CSMD2: variants seen among roughly 807,000 people sequenced by gnomAD.
The protein encoded by CSMD2 is CUB and Sushi multiple domains 2, also known as CUB and sushi domain-containing protein 2.
CSMD2 carries 130 observed loss-of-function variants against 398.5 expected under a neutral mutation model. That is an observed-to-expected ratio of 0.33 (90% CI 0.28 to 0.38). CSMD2 has a LOEUF of 0.38. CSMD2 is among the 10% of genes least tolerant of loss of function. The pLI, the probability that CSMD2 is intolerant of heterozygous loss-of-function variation, is 1.00. For missense variants in CSMD2, 3,829 were observed against 4,764.9 expected (o/e 0.80, Z 5.78); for synonymous variants, 1,828 against 1,908.5 (o/e 0.96, Z 1.10).
chr1:34,094,851 G>A (rs1171449588), intron 1 of CSMD2, among the ~76,000 whole-genome samples: 13 of 150,228 alleles, frequency 8.7e-5, no homozygotes, highest in East Asian at 3.9e-4. Context: ...ACAGATCAAC[G>A]AGACAGAAAG....
chr1:33,791,566 G>A (rs188992896), intron 11 of CSMD2, among the ~76,000 whole-genome samples: 5 of 152,162 alleles, frequency 3.3e-5, no homozygotes, highest in Non-Finnish European at 7.4e-5. Context: ...GCTCACTGCA[G>A]CCTCAACCTC....
At chr1:33,950,450 G>A (rs116113940) in intron 3 of CSMD2, among the ~76,000 whole-genome samples, 1,848 of 150,810 alleles carry the variant, frequency 0.012, 18 homozygotes, top group Non-Finnish European at 0.019. Context: ...AGTCATGCTG[G>A]TGTGTTGGTG....
intron 44 of CSMD2, among the ~76,000 whole-genome samples, chr1:33,593,003 A>G (rs1444563616): frequency 6.6e-6 from 1 of 152,166 alleles, no homozygotes; most frequent in Admixed American, 6.5e-5. Flanking sequence ...TCTTAGCAGC[A>G]TTATTCACAA....
intron 5 of CSMD2, among the ~76,000 whole-genome samples, chr1:33,881,513 T>A (rs1424815411): frequency 6.6e-6 from 1 of 152,080 alleles, no homozygotes; most frequent in African/African-American, 2.4e-5. Flanking sequence ...ATGGTGTGTT[T>A]ACAGAATGCC....
At chr1:33,540,754 C>T (rs1032443280) in intron 59 of CSMD2, 56 bp from the exon 60 acceptor site, 34 of 1,593,458 alleles carry the variant, frequency 2.1e-5, no homozygotes, top group South Asian at 1.6e-4. Flanking sequence ...AACCAGCCCC[C>T]GTCACCATCA....
At chr1:33,730,351 G>T (rs76385440) in intron 15 of CSMD2, among the ~76,000 whole-genome samples, 2,263 of 152,292 alleles carry the variant, frequency 0.015, 85 homozygotes, top group South Asian at 0.068. Flanking sequence ...GGGTAGAGAA[G>T]ATAGGGATAG....
At position 33,733,008 on chromosome 1, in the gene CSMD2, G is replaced by A. The variant is rs148212411; in HGVS notation, c.2368+6132C>T. ...GGCCAGGAACACACACTAGGAAGTC[G>A]CAGGGTCAGGATTTAAACCTGGGCA... On this transcript the variant is annotated intron_variant, in intron 15 of 70. Transcript: ENST00000373381. Among the ~76,000 whole-genome samples the A allele has an allele frequency of 1.7e-4, 26 of 152,296 alleles. No homozygotes were observed. The East Asian group carries it at 4.2e-3, about 25-fold the overall frequency.
At chr1:33,692,421 G>T (rs1026184057) in intron 25 of CSMD2, among the ~76,000 whole-genome samples, 6 of 152,210 alleles carry the variant, frequency 3.9e-5, no homozygotes, top group African/African-American at 1.4e-4. Flanking sequence ...TCTGCCAGGG[G>T]CCATACAGCT....
At chr1:33,665,615 A>C (rs1571145624) in intron 25 of CSMD2, among the ~76,000 whole-genome samples, 1 of 151,524 alleles carries the variant, frequency 6.6e-6, no homozygotes, top group Non-Finnish European at 1.5e-5. Flanking sequence ...TTTTGTAGGG[A>C]TGGGGTTTTT....
At chr1:33,524,845 C>T (rs1178535160) in intron 66 of CSMD2, 37 bp downstream of exon 66, 1 of 1,606,684 alleles carries the variant, frequency 6.2e-7, no homozygotes, top group Non-Finnish European at 8.5e-7. Context: ...TGTGCCCATC[C>T]ATCCTCCCGG....
At position 33,828,327 on chromosome 1, in the gene CSMD2, G is replaced by C. The variant is rs531739634; in HGVS notation, c.1034-2553C>G. ...CTGATTCACTATCCCTGGGAGAACA[G>C]GAGCAGTTCCAGCACCACAACAACA... On this transcript the variant is annotated intron_variant, in intron 6 of 70. Transcript: ENST00000373381. 2.0e-5 allele frequency among the ~76,000 whole-genome samples: 3 copies of C among 152,318 alleles called. No individual in the cohort carries two copies. In the East Asian group the frequency reaches 5.8e-4, roughly 29 times the overall value.
At chr1:33,725,778 A>G (rs1392714250) in intron 16 of CSMD2, among the ~76,000 whole-genome samples, 1 of 152,162 alleles carries the variant, frequency 6.6e-6, no homozygotes. Context: ...CTGATCTGTG[A>G]GCCAGCTTAA....
chr1:34,009,629 CT>C (rs1438576611), intron 3 of CSMD2, among the ~76,000 whole-genome samples: 6 of 152,016 alleles, frequency 3.9e-5, no homozygotes, highest in African/African-American at 1.5e-4. Flanking sequence ...CTGAAACTGC[CT>C]CTCCCTGAGT....
At chr1:34,151,698 C>A (rs1395080727) in intron 1 of CSMD2, among the ~76,000 whole-genome samples, 2 of 152,050 alleles carry the variant, frequency 1.3e-5, no homozygotes, top group African/African-American at 4.8e-5. Flanking sequence ...GCAGGTCTCC[C>A]CACAGACAGC....
intron 3 of CSMD2, among the ~76,000 whole-genome samples, chr1:33,974,810 CGGA>C (rs1374898764): frequency 6.6e-6 from 1 of 152,152 alleles, no homozygotes; most frequent in Non-Finnish European, 1.5e-5. Flanking sequence ...TCCCACAGAA[CGGA>C]AGGAGTATCT....
intron 32 of CSMD2, among the ~76,000 whole-genome samples, chr1:33,630,479 A>T (rs1642404923): frequency 6.6e-6 from 1 of 152,250 alleles, no homozygotes; most frequent in South Asian, 2.1e-4. Flanking sequence ...TTTACAGAGG[A>T]GAAAACTGAA....
rs1646564510 is a variant in CSMD2, at chr1:33,727,212, T to C, written c.2369-527A>G. Among the ~76,000 whole-genome samples, 3 of 152,212 alleles carry C rather than the reference T, an allele frequency of 2.0e-5. No homozygotes were observed. The South Asian group carries it at 6.2e-4, about 32-fold the overall frequency. On this transcript the variant is annotated intron_variant, in intron 15 of 70. Transcript: ENST00000373381. The stretch of plus-strand genomic sequence containing the variant: ...ATTGAGCATGGTGCTTGGCACACAG[T>C]TGTTTCTCAATGATTGCTGGTTGGA...
intron 44 of CSMD2, among the ~76,000 whole-genome samples, chr1:33,590,114 T>C (rs1261684292): frequency 7.3e-6 from 1 of 136,430 alleles, no homozygotes. Flanking sequence ...TGATTTTCCA[T>C]TACATTTTAA....
rs112677981 is a variant in CSMD2, at chr1:33,564,991, T to C, written c.8380+2602A>G. ...AATGCAGATTAACCAGAAGAATAAA[T>C]AATAGAAAACCCAGGCCTGCAGCCT... is the stretch of plus-strand genomic sequence containing the variant. On this transcript the variant is annotated intron_variant, in intron 53 of 70. Transcript: ENST00000373381. Among the ~76,000 whole-genome samples the C allele has an allele frequency of 2.7e-3, 409 of 152,128 alleles. 4 individuals are homozygous for C. Among genetic ancestry groups the C allele is most frequent in the African/African-American group, 9.4e-3 (392 of 41,496 alleles).
Sources: gnomAD v4.1 joint callset for allele counts (sites outside exome capture counted in the v4.1 genomes callset) on GRCh38, gnomAD v4.1.1 for gene constraint, MANE v1.5 for transcripts, NCBI Gene and HGNC (gene_info 2026-07-23, HGNC 2026-07-21) for gene names.